The following KNDC1 variants were observed in gnomAD, a reference collection of about 807,000 sequenced individuals.
The protein encoded by KNDC1 is kinase non-catalytic C-lobe domain-containing protein 1.
Under a neutral mutation model 172.8 loss-of-function variants are expected in KNDC1, and 106 were observed. The observed-to-expected ratio is 0.61, with a 90% confidence interval of 0.52 to 0.72. KNDC1 has a LOEUF of 0.72. KNDC1 is among the 30% of genes least tolerant of loss of function. The pLI, the probability that KNDC1 is intolerant of heterozygous loss-of-function variation, is 0.00. For synonymous variants in KNDC1, 1,083 were observed against 1,062.2 expected (o/e 1.02, Z -0.38); for missense variants, 2,325 against 2,394.5 (o/e 0.97, Z 0.61).
rs1184333272 is a variant in KNDC1, at chr10:133,212,747, G to C, written c.4268G>C (p.Gly1423Ala). The C allele has an allele frequency of 1.9e-6, 3 of 1,613,486 alleles. No homozygotes were observed. In the Admixed American group the frequency reaches 5.0e-5, roughly 27 times the overall value. Residue 1423 changes from glycine to alanine, a missense_variant, in exon 24 of 30, where the codon GGG becomes GCG. Gly to Ala is a moderately conservative substitution (Grantham distance 60, BLOSUM62 0). Transcript: ENST00000304613. ...CCCTGGAGGCTGCCCCGAGGCAACG[G>C]GCTGGTGCTGCCGCCACACAAGGAG... ...SFPWRLPRGNGLVLPPHKERP... is the reference protein window; with the variant it reads ...SFPWRLPRGNALVLPPHKERP...
Position 133,160,559 on chromosome 10 carries a change from C to A in KNDC1, c.92C>A (p.Pro31His). 1 of 1,578,030 alleles carries A rather than the reference C, an allele frequency of 6.3e-7. No individual in the cohort carries two copies. The highest frequency in any genetic ancestry group is 2.3e-5 in the East Asian group (1 of 42,958). ...GACTTCGAGCCGCTGCCCACCCTCCCCGAGGACGAGGTGAGCCCCCGGCCC... is the reference window on the plus strand; with the variant it reads ...GACTTCGAGCCGCTGCCCACCCTCCACGAGGACGAGGTGAGCCCCCGGCCC... ...FYDFEPLPTLPEDEENVSLAD... is the reference protein window; with the variant it reads ...FYDFEPLPTLHEDEENVSLAD... The change falls in exon 1 of 30, where the codon CCC (proline) becomes CAC (histidine). Residue 31 changes from proline to histidine, a missense_variant. Transcript: ENST00000304613.
intron 9 of KNDC1, among the ~76,000 whole-genome samples, chr10:133,192,663 C>T (rs1425398845): frequency 1.3e-5 from 2 of 152,000 alleles, no homozygotes; most frequent in Non-Finnish European, 2.9e-5. Flanking sequence ...TTTAAAAAAA[C>T]TCAATGAATG....
intron 17 of KNDC1, 75 bp from the exon 18 acceptor site, chr10:133,206,610 G>A (rs753479045): frequency 7.7e-5 from 93 of 1,213,540 alleles, no homozygotes; most frequent in Admixed American, 2.4e-4. Context: ...GCCCCAGTGG[G>A]GTGGGGCCTG....
At chr10:133,184,890 C>T (rs900872042) in intron 5 of KNDC1, among the ~76,000 whole-genome samples, 2 of 152,264 alleles carry the variant, frequency 1.3e-5, no homozygotes, top group African/African-American at 4.8e-5. Context: ...TTTCACCTGC[C>T]CCCACCAGGA....
intron 16 of KNDC1, among the ~76,000 whole-genome samples, chr10:133,201,146 G>A (rs889060612): frequency 2.0e-5 from 3 of 152,234 alleles, no homozygotes; most frequent in Non-Finnish European, 4.4e-5. Flanking sequence ...AATTCCAGAA[G>A]AAAAGAGGAG....
intron 16 of KNDC1, among the ~76,000 whole-genome samples, chr10:133,201,293 T>C (rs1356285105): frequency 6.6e-6 from 1 of 152,140 alleles, no homozygotes; most frequent in African/African-American, 2.4e-5. Context: ...GGCCTCTCTC[T>C]GTCACCCGGC....
In KNDC1 at chr10:133,197,081, G is replaced by C. The variant is rs558026601; in HGVS notation, c.1758G>C (p.Gln586His). Residue 586 changes from glutamine to histidine, a missense_variant, in exon 11 of 30, where the codon CAG becomes CAC. Gln to His is a conservative substitution (Grantham distance 24). Transcript: ENST00000304613. The stretch of plus-strand genomic sequence containing the variant: ...AGGTGTGCGGCAGCTACCTCCTCCA[G>C]CGAGGCATGGACAGCCGGAAAATCC... ...AIKVCGSYLL[Q>H]RGMDSRKILA... 6.2e-7 allele frequency: 1 copy of C among 1,613,222 alleles called. No homozygotes were observed. Among genetic ancestry groups the C allele is most frequent in the South Asian group, 1.1e-5 (1 of 91,084 alleles).
chr10:133,219,966 G>C lies in KNDC1; in HGVS notation c.4872G>C (p.Lys1624Asn). Residue 1624 changes from lysine (K) to asparagine (N), a missense_variant, in exon 29 of 30, where the codon AAG becomes AAC. Transcript: ENST00000304613. The stretch of plus-strand genomic sequence containing the variant: ...GGCTGGACCACCAGGTCTTCCTGAA[G>C]AGCGACAGCCTGTGTCTGATGGAAG... ...EELKAVEVFL[K>N]SDSLCLMEGR... 2 of 1,551,340 alleles carry C rather than the reference G, an allele frequency of 1.3e-6. No homozygotes were observed. The highest frequency in any genetic ancestry group is 1.7e-6 in the Non-Finnish European group (2 of 1,147,038).
chr10:133,202,647 GCC>G (rs1854406591), intron 17 of KNDC1: 1 of 456,688 alleles, frequency 2.2e-6, no homozygotes, highest in East Asian at 6.9e-5. Flanking sequence ...GGGCATCGGA[GCC>G]CTTCCTGGGG....
chr10:133,212,584 C>G, intron 23 of KNDC1, 132 bp from the exon 24 acceptor site: 1 of 716,550 alleles, frequency 1.4e-6, no homozygotes, highest in Admixed American at 2.8e-5. Flanking sequence ...CTCTCTGGCT[C>G]TGGCTGGGCC....
At chr10:133,161,467 C>T (rs966957662) in intron 1 of KNDC1, among the ~76,000 whole-genome samples, 1 of 152,166 alleles carries the variant, frequency 6.6e-6, no homozygotes, top group Non-Finnish European at 1.5e-5. Flanking sequence ...CTGCAGCAGC[C>T]GCGGGCCTGA....
chr10:133,218,722 C>A, intron 26 of KNDC1, 109 bp from the exon 27 acceptor site: 2 of 1,375,418 alleles, frequency 1.5e-6, no homozygotes, highest in African/African-American at 1.4e-5. Flanking sequence ...ACACGTGATG[C>A]AGCACACGCT....
At chr10:133,183,799 C>T in intron 4 of KNDC1, 73 bp from the exon 5 acceptor site, 1 of 1,211,308 alleles carries the variant, frequency 8.3e-7, no homozygotes. Flanking sequence ...AAGGATCCGG[C>T]CGTGTCGGGT....
rs557147501 is a variant in KNDC1, at chr10:133,206,984, G to A, written c.3579+31G>A. 84 of 1,595,448 alleles carry A rather than the reference G, an allele frequency of 5.3e-5. No homozygotes were observed. The South Asian group carries it at 7.1e-4, about 13-fold the overall frequency. On this transcript the variant is annotated intron_variant, in intron 19 of 29. Transcript: ENST00000304613. ...TGGGCTCCGGGCCCCGCTCTGCCCCGTGAGGCAGTAGCTTCAGACGGGCCT... is the reference window on the plus strand; with the variant it reads ...TGGGCTCCGGGCCCCGCTCTGCCCCATGAGGCAGTAGCTTCAGACGGGCCT...
At position 133,224,092 on chromosome 10, in the gene KNDC1, G is replaced by A. The variant is rs1845671670; in HGVS notation, c.5019-567G>A. ...TGCCGTAATGGACGCCCCTTTCTTT[G>A]TCCCTCACACTGGGCATGTGGTGTT... On this transcript the variant is annotated intron_variant, in intron 29 of 29. Coordinates refer to ENST00000304613, the MANE Select transcript of KNDC1 (RefSeq NM_152643.8). This position sits in a 1 kb window ranked among gnomAD's most constrained non-coding sequence, Gnocchi z 5.4. Among the ~76,000 whole-genome samples the A allele has an allele frequency of 6.6e-6, 1 of 152,128 alleles. No homozygotes were observed. The highest frequency in any genetic ancestry group is 1.5e-5 in the Non-Finnish European group (1 of 68,034).
At chr10:133,202,255 C>A (rs1854396799) in intron 17 of KNDC1, 3 of 578,144 alleles carry the variant, frequency 5.2e-6, no homozygotes, top group East Asian at 7.9e-5. Context: ...AGCCTCCGGG[C>A]CCTTGGGCAG....
At chr10:133,178,391 G>C (rs925786586) in intron 3 of KNDC1, among the ~76,000 whole-genome samples, 1 of 152,174 alleles carries the variant, frequency 6.6e-6, no homozygotes, top group Non-Finnish European at 1.5e-5. Context: ...AGAAAAGAGA[G>C]TAAGAACAGC....
intron 20 of KNDC1, 25 bp from the exon 21 acceptor site, chr10:133,210,586 C>A: frequency 6.8e-7 from 1 of 1,477,592 alleles, no homozygotes; most frequent in Non-Finnish European, 9.5e-7. Context: ...CCCACCACCT[C>A]ACCGCCGCCC....
chr10:133,179,486 C>T (rs1853653401), intron 3 of KNDC1: 1 of 152,260 alleles, frequency 6.6e-6, no homozygotes. Context: ...GAATCTCCAG[C>T]AGAGCAGAGG....
Sources: gnomAD v4.1 joint callset for allele counts (sites outside exome capture counted in the v4.1 genomes callset) on GRCh38, gnomAD v4.1.1 for gene constraint, Gnocchi (gnomAD v3.1) non-coding constraint, MANE v1.5 for transcripts, NCBI Gene and HGNC (gene_info 2026-07-23, HGNC 2026-07-21) for gene names.